PRPF39: variants seen among roughly 807,000 people sequenced by gnomAD.
The protein encoded by PRPF39 is pre-mRNA processing factor 39.
PRPF39 carries 27 observed loss-of-function variants against 82.1 expected under a neutral mutation model. The observed-to-expected ratio is 0.33, with a 90% CI of 0.24 to 0.45. The LOEUF (loss-of-function observed/expected upper bound fraction) is 0.45, where lower values mean the gene tolerates loss of function less well. Among genes scored for constraint, PRPF39 ranks in the 20% least tolerant of loss-of-function variants. PRPF39 has a pLI of 1.00. For synonymous variants in PRPF39, 261 were observed against 256.4 expected (o/e 1.02, Z -0.17); for missense variants, 581 against 796.9 (o/e 0.73, Z 3.26).
At chr14:45,114,307 C>G (rs1043075524) in intron 12 of PRPF39, 50 bp downstream of exon 12, 14 of 1,434,156 alleles carry the variant, frequency 9.8e-6, no homozygotes, top group Admixed American at 2.1e-5. Flanking sequence ...TATGGAAATG[C>G]CTTCAAAGAC....
Position 45,107,514 on chromosome 14 carries a change from G to C in PRPF39, c.801G>C (p.Gln267His), listed in dbSNP as rs1162222837. 1.3e-6 allele frequency: 2 copies of C among 1,563,170 alleles called. No individual in the cohort carries two copies. Among genetic ancestry groups the C allele is most frequent in the Non-Finnish European group, 1.7e-6 (2 of 1,151,330 alleles). The stretch of plus-strand genomic sequence containing the variant: ...TTTTAACTGGTGAACAGTTTATTCA[G>C]TTGCGAAGGGAATTAGCTTCTGTAA... ...RDLLTGEQFI[Q>H]LRRELASVNG... is the part of the protein sequence containing the mutation. The change falls in exon 6 of 14, where the codon CAG (glutamine) becomes CAC (histidine). Residue 267 changes from glutamine to histidine, a missense_variant. By Grantham distance (24) the Gln-to-His change is conservative. Transcript: ENST00000355765.
At chr14:45,097,828 T>C (rs936076815) in intron 4 of PRPF39, among the ~76,000 whole-genome samples, 4 of 152,234 alleles carry the variant, frequency 2.6e-5, no homozygotes, top group African/African-American at 7.2e-5. Flanking sequence ...AAAAAAAGCA[T>C]GTGCATATTG....
chr14:45,099,771 T>C (rs1167302440), intron 4 of PRPF39, among the ~76,000 whole-genome samples: 1 of 152,220 alleles, frequency 6.6e-6, no homozygotes, highest in Non-Finnish European at 1.5e-5. Flanking sequence ...AGAATCTTTC[T>C]TGTTCTCTGA....
At chr14:45,096,546 T>C (rs781026324) in intron 3 of PRPF39, 1 of 1,431,340 alleles carries the variant, frequency 7.0e-7, no homozygotes, top group South Asian at 1.2e-5. Context: ...CCAAACAATA[T>C]AGTTGGTTTG....
In PRPF39 at chr14:45,108,521, G is replaced by C. The variant is rs1460433483; in HGVS notation, c.1010G>C (p.Gly337Ala). ...EVSKRWTFEE[G>A]IKRPYFHVKP... ...AGTAAAAGGTGGACATTTGAAGAAGGTGTAAGTGTTTTTGTTTTGTAATAG... is the reference window on the plus strand; with the variant it reads ...AGTAAAAGGTGGACATTTGAAGAAGCTGTAAGTGTTTTTGTTTTGTAATAG... Residue 337 changes from glycine (G) to alanine (A), a missense_variant and splice_region_variant, in exon 7 of 14, where the codon GGT becomes GCT. Physicochemically the swap from Gly to Ala is moderately conservative, Grantham distance 60 (BLOSUM62 0). Transcript: ENST00000355765. 6.3e-7 allele frequency: 1 copy of C among 1,582,526 alleles called. No homozygotes were observed. The highest frequency in any genetic ancestry group is 8.5e-7 in the Non-Finnish European group (1 of 1,171,834).
At chr14:45,098,402 G>A (rs188056010) in intron 4 of PRPF39, among the ~76,000 whole-genome samples, 31 of 150,190 alleles carry the variant, frequency 2.1e-4, no homozygotes, top group African/African-American at 6.9e-4. Context: ...AAGATCGATC[G>A]TGCCACTGCA....
rs1021314735 is a variant in PRPF39 at position 45,106,307 on chromosome 14, C to T, written c.738-1144C>T. ...GAGCTTGCAGTGAGCCAAGATAGAA[C>T]GATTGCACTCTAGCCTGGGCAACAG... On this transcript the variant is annotated intron_variant, in intron 5 of 13. Transcript: ENST00000355765. 2.6e-5 allele frequency among the ~76,000 whole-genome samples: 4 copies of T among 152,180 alleles called. No homozygotes were observed. In the South Asian group the frequency reaches 6.2e-4, roughly 24 times the overall value.
chr14:45,100,947 A>G (rs1360606923), intron 4 of PRPF39, among the ~76,000 whole-genome samples: 2 of 152,158 alleles, frequency 1.3e-5, no homozygotes, highest in South Asian at 2.1e-4. Flanking sequence ...TTTAATTTCT[A>G]TCTGTCGTGA....
chr14:45,110,424 A>T lies in PRPF39; in HGVS notation c.1304-125A>T. On this transcript the variant is annotated intron_variant, in intron 9 of 13. Transcript: ENST00000355765. This position sits in a 1 kb window ranked among gnomAD's most constrained non-coding sequence, Gnocchi z 4.0. ...AAACAGCCATAGGCAGTGTGTAAAT[A>T]TGCATGGCTGTTTCCCATTATTAGT... 8.2e-7 allele frequency: 1 copy of T among 1,216,784 alleles called. No individual in the cohort carries two copies. Among genetic ancestry groups the T allele is most frequent in the Non-Finnish European group, 1.1e-6 (1 of 880,988 alleles). The allele number at this position is 1,216,784 out of a possible 1,614,324, so 75.4% of individuals were successfully genotyped here. A position where few individuals can be genotyped will look rare whatever the true frequency, so the allele number is the denominator to read the frequency against.
chr14:45,085,514 T>C (rs893476437), intron 1 of PRPF39, among the ~76,000 whole-genome samples: 1 of 152,186 alleles, frequency 6.6e-6, no homozygotes, highest in African/African-American at 2.4e-5. Flanking sequence ...AAGATAGGAC[T>C]TCAAAAAAAA....
intron 5 of PRPF39, among the ~76,000 whole-genome samples, chr14:45,107,013 G>T (rs570767220): frequency 6.6e-6 from 1 of 152,244 alleles, no homozygotes; most frequent in South Asian, 2.1e-4. Context: ...TGATCATTTA[G>T]AATTTAAATA....
chr14:45,100,567 C>T (rs1165948940), intron 4 of PRPF39, among the ~76,000 whole-genome samples: 1 of 152,176 alleles, frequency 6.6e-6, no homozygotes, highest in Non-Finnish European at 1.5e-5. Flanking sequence ...ACCTTCTTGT[C>T]TTCTTCCCCT....
intron 4 of PRPF39, among the ~76,000 whole-genome samples, chr14:45,097,606 A>G (rs939298852): frequency 6.6e-6 from 1 of 152,176 alleles, no homozygotes; most frequent in Non-Finnish European, 1.5e-5. Flanking sequence ...TCATTTTCCC[A>G]CAGCTGTGCC....
rs1011969825 is a variant in PRPF39, at chr14:45,110,306, T to C, written c.1303+86T>C. 8 of 1,525,674 alleles carry C rather than the reference T, an allele frequency of 5.2e-6. No homozygotes were observed. Among genetic ancestry groups the C allele is most frequent in the Non-Finnish European group, 7.1e-6 (8 of 1,126,986 alleles). The allele number at this position is 1,525,674 out of a possible 1,614,324, so 94.5% of individuals were successfully genotyped here. A position where few individuals can be genotyped will look rare whatever the true frequency, so the allele number is the denominator to read the frequency against. On this transcript the variant is annotated intron_variant, in intron 9 of 13. Coordinates refer to ENST00000355765, the MANE Select transcript of PRPF39 (RefSeq NM_017922.4). The surrounding 1 kb of genome is among the most constrained non-coding windows in gnomAD (Gnocchi z 4.0). Reference sequence around the variant, plus strand: ...ACAAATTGAGTGGTAAGGGATGGTGTAAAGCAGAGTTTGGCAAACTTTTTC... The same window carrying C: ...ACAAATTGAGTGGTAAGGGATGGTGCAAAGCAGAGTTTGGCAAACTTTTTC...
chr14:45,103,215 A>AT (rs2139054433), intron 5 of PRPF39, among the ~76,000 whole-genome samples: 1 of 152,188 alleles, frequency 6.6e-6, no homozygotes, highest in Admixed American at 6.5e-5. Flanking sequence ...TTCTAAAATG[A>AT]TTTTTCTGTT....
At chr14:45,108,314 G>C (rs765919125) in intron 6 of PRPF39, 101 bp from the exon 7 acceptor site, 27 of 1,305,234 alleles carry the variant, frequency 2.1e-5, no homozygotes, top group Non-Finnish European at 2.7e-5. Context: ...ACTATTCTAA[G>C]ACTAAAATAT....
At position 45,112,333 on chromosome 14, in the gene PRPF39, T is replaced by C. The variant is rs969465645; in HGVS notation, c.1588T>C (p.Tyr530His). ...IERDKENTKL[Y>H]LNLLEMEYSG... ...TTTTACACAGGAGAACACAAAGTTA[T>C]ACCTCAATTTACTTGAAATGGAATA... Residue 530 changes from tyrosine (Y) to histidine (H), a missense_variant, in exon 11 of 14, where the codon TAC becomes CAC. Tyr to His is a moderately conservative substitution (Grantham distance 83, BLOSUM62 2). Transcript: ENST00000355765. The C allele has an allele frequency of 5.1e-6, 8 of 1,560,004 alleles. No homozygotes were observed. The highest frequency in any genetic ancestry group is 1.2e-5 in the South Asian group (1 of 80,204).
rs188308163 is a variant in PRPF39 at position 45,101,136 on chromosome 14, T to C, written c.570-1393T>C. Among the ~76,000 whole-genome samples the C allele has an allele frequency of 3.9e-3, 587 of 152,340 alleles. 1 individual carries two copies. The highest frequency in any genetic ancestry group is 6.4e-3 in the Non-Finnish European group (436 of 68,028). ...ATTACTATAGCTTCCTAGTTTCTTATATTATCTTTCAGGAAAATGCCTGCT... is the reference window on the plus strand; with the variant it reads ...ATTACTATAGCTTCCTAGTTTCTTACATTATCTTTCAGGAAAATGCCTGCT... On this transcript the variant is annotated intron_variant, in intron 4 of 13. Transcript: ENST00000355765.
chr14:45,094,222 C>T (rs1222321657), intron 1 of PRPF39, among the ~76,000 whole-genome samples: 8 of 151,720 alleles, frequency 5.3e-5, no homozygotes, highest in African/African-American at 1.9e-4. Flanking sequence ...ATGAGACATG[C>T]CCTATAATTT....
Sources: allele counts gnomAD v4.1 joint callset (sites outside exome capture counted in the v4.1 genomes callset), GRCh38; gene constraint gnomAD v4.1.1; non-coding constraint Gnocchi (gnomAD v3.1); transcripts MANE v1.5; gene names NCBI Gene and HGNC (gene_info 2026-07-23, HGNC 2026-07-21).